Variants in MAD1L1 observed in about 807,000 individuals in gnomAD.
The protein encoded by MAD1L1 is mitotic arrest deficient 1 like 1, also known as mitotic spindle assembly checkpoint protein MAD1.
In MAD1L1, 95 loss-of-function variants were observed where a neutral mutation model predicts 96.9. That is an observed-to-expected ratio of 0.98 (90% confidence interval 0.83 to 1.16). MAD1L1 has a LOEUF of 1.16. Ranked by LOEUF, MAD1L1 falls within the 50% of genes most tolerant of loss-of-function variation. MAD1L1 has a pLI of 0.00. For synonymous variants in MAD1L1, 473 were observed against 396.6 expected, an observed-to-expected ratio of 1.19 and a Z score of -2.29; for missense variants, 1,007 against 954.4, an observed-to-expected ratio of 1.06 and a Z score of -0.73.
At chr7:2,110,250 T>C (rs957639942) in intron 11 of MAD1L1, among the ~76,000 whole-genome samples, 1 of 152,222 alleles carries the variant, frequency 6.6e-6, no homozygotes. Context: ...GCAAAGATTC[T>C]TGAAGCCTCC....
chr7:1,987,989 G>A (rs1584007232), intron 14 of MAD1L1, among the ~76,000 whole-genome samples: 2 of 152,188 alleles, frequency 1.3e-5, no homozygotes, highest in Non-Finnish European at 1.5e-5. Flanking sequence ...AGTCAGGCAG[G>A]CCCCTAGGAG....
At chr7:1,957,577 A>G (rs2128474006) in intron 16 of MAD1L1, 52 bp downstream of exon 16, 1 of 1,573,152 alleles carries the variant, frequency 6.4e-7, no homozygotes, top group Non-Finnish European at 8.7e-7. Context: ...ACGACGCCCA[A>G]AGAAATGAGA....
chr7:2,111,725 G>A (rs1290847708), intron 11 of MAD1L1, among the ~76,000 whole-genome samples: 3 of 152,192 alleles, frequency 2.0e-5, no homozygotes, highest in African/African-American at 7.2e-5. Context: ...ACAGCCCTGT[G>A]GGGGCAGCTA....
At chr7:1,917,148 G>A (rs980173337) in intron 17 of MAD1L1, among the ~76,000 whole-genome samples, 15 of 152,308 alleles carry the variant, frequency 9.8e-5, no homozygotes, top group Middle Eastern at 3.4e-3. Flanking sequence ...AGGGCCGAGC[G>A]TCCAGGCGAT....
chr7:2,046,742 G>A (rs1276292015), intron 12 of MAD1L1, among the ~76,000 whole-genome samples: 5 of 152,206 alleles, frequency 3.3e-5, no homozygotes, highest in Non-Finnish European at 7.3e-5. Context: ...CCAAGGGTGG[G>A]AAAAGAGGTG....
Position 1,841,548 on chromosome 7 carries a change from G to C in MAD1L1, c.1999-25320C>G, listed in dbSNP as rs181897505. On this transcript the variant is annotated intron_variant, in intron 18 of 18. Coordinates refer to ENST00000265854, the MANE Select transcript of MAD1L1 (RefSeq NM_001013836.2). ...AGCTGTGGGCCCCAGGATGAAAGCG[G>C]GCACCACGTCACTCACGAGACAGAA... Among the ~76,000 whole-genome samples, 85 of 152,304 alleles carry C rather than the reference G, an allele frequency of 5.6e-4. 1 individual carries two copies. Among genetic ancestry groups the C allele is most frequent in the African/African-American group, 2.0e-3 (82 of 41,556 alleles).
In MAD1L1 at chr7:2,030,329, C is replaced by T. The variant is rs529399996; in HGVS notation, c.1219-15687G>A. 9.2e-5 allele frequency among the ~76,000 whole-genome samples: 14 copies of T among 152,316 alleles called. No individual in the cohort carries two copies. The South Asian group carries it at 2.9e-3, about 32-fold the overall frequency. ...TTACCTTGCTAACTGGGTAAAAAGT[C>T]CAGTTCAATGGATGGTGACTGAATT... On this transcript the variant is annotated intron_variant, in intron 12 of 18. Coordinates refer to ENST00000265854, the MANE Select transcript of MAD1L1 (RefSeq NM_001013836.2).
chr7:2,138,497 C>T (rs529730998), intron 11 of MAD1L1, among the ~76,000 whole-genome samples: 35 of 152,310 alleles, frequency 2.3e-4, no homozygotes, highest in African/African-American at 7.2e-4. Flanking sequence ...ACTGACAAAA[C>T]GGAAGGAACC....
At chr7:1,987,148 C>G (rs1584003945) in intron 14 of MAD1L1, among the ~76,000 whole-genome samples, 1 of 152,216 alleles carries the variant, frequency 6.6e-6, no homozygotes, top group African/African-American at 2.4e-5. Flanking sequence ...TCACCCCTCC[C>G]CTGCCAGCTG....
chr7:2,043,378 T>C lies in MAD1L1; in HGVS notation c.1218+25816A>G, dbSNP rs76406293. On this transcript the variant is annotated intron_variant, in intron 12 of 18. Transcript: ENST00000265854. ...AGGGCAGCATTAGCATGTAAATAGC[T>C]GGCAGACACAAGGACGTGAAAGCAA... Among the ~76,000 whole-genome samples, 31 of 152,334 alleles carry C rather than the reference T, an allele frequency of 2.0e-4. 1 individual carries two copies. In the East Asian group the frequency reaches 2.3e-3, roughly 11 times the overall value.
At chr7:2,159,472 CACAG>C (rs1211577937) in intron 10 of MAD1L1, among the ~76,000 whole-genome samples, 2 of 152,248 alleles carry the variant, frequency 1.3e-5, no homozygotes, top group Non-Finnish European at 1.5e-5. Context: ...TCTCCTCCTT[CACAG>C]AACACCACCA....
At chr7:2,044,090 C>A (rs1374544282) in intron 12 of MAD1L1, among the ~76,000 whole-genome samples, 1 of 152,216 alleles carries the variant, frequency 6.6e-6, no homozygotes, top group African/African-American at 2.4e-5. Flanking sequence ...CTGCCTAGAG[C>A]TGGCGGCCAC....
At chr7:2,154,505 G>A (rs1368199962) in intron 10 of MAD1L1, among the ~76,000 whole-genome samples, 3 of 152,082 alleles carry the variant, frequency 2.0e-5, no homozygotes, top group Non-Finnish European at 2.9e-5. Context: ...CCCAATACGT[G>A]GAAATGATAA....
intron 10 of MAD1L1, among the ~76,000 whole-genome samples, chr7:2,188,254 T>A (rs1469765235): frequency 6.6e-6 from 1 of 152,228 alleles, no homozygotes; most frequent in Non-Finnish European, 1.5e-5. Context: ...TGTTAAGATG[T>A]CAACACCGCC....
intron 18 of MAD1L1, among the ~76,000 whole-genome samples, chr7:1,829,096 A>G (rs1426789530): frequency 1.3e-5 from 2 of 152,238 alleles, no homozygotes; most frequent in East Asian, 3.9e-4. Flanking sequence ...GAGGCAGCAC[A>G]TTGGGCGTGG....
At chr7:2,168,594 C>T (rs1790551184) in intron 10 of MAD1L1, among the ~76,000 whole-genome samples, 1 of 152,224 alleles carries the variant, frequency 6.6e-6, no homozygotes, top group African/African-American at 2.4e-5. Flanking sequence ...ACCAGGAGAC[C>T]TCATCCTGAT....
At chr7:1,941,562 G>A (rs989407768) in intron 16 of MAD1L1, among the ~76,000 whole-genome samples, 4 of 152,208 alleles carry the variant, frequency 2.6e-5, no homozygotes. Flanking sequence ...AAGGCTTGGT[G>A]TGTGCAAAGC....
At chr7:2,060,497 G>A (rs181876598) in intron 12 of MAD1L1, among the ~76,000 whole-genome samples, 57 of 147,774 alleles carry the variant, frequency 3.9e-4, no homozygotes, top group African/African-American at 1.4e-3. Flanking sequence ...AGATAATGCC[G>A]AGACCGAGAT....
chr7:2,016,690 T>TGG (rs1782557774), intron 12 of MAD1L1, among the ~76,000 whole-genome samples: 6 of 302 alleles, frequency 0.02, no homozygotes, highest in African/African-American at 0.037. Context: ...TCCTGCCGTC[T>TGG]GTCTCTTGAG....
Sources: gnomAD v4.1 joint callset for allele counts (sites outside exome capture counted in the v4.1 genomes callset) on GRCh38, gnomAD v4.1.1 for gene constraint, MANE v1.5 for transcripts, NCBI Gene and HGNC (gene_info 2026-07-23, HGNC 2026-07-21) for gene names.